Variants in ZNF680 observed in about 807,000 individuals in gnomAD.
ZNF680 encodes the protein hypothetical protein FLJ90430.
ZNF680 carries 6 observed loss-of-function variants against 12.1 expected under a neutral mutation model. The ratio of observed to expected loss-of-function variants is 0.49; its 90% confidence interval spans 0.27 to 0.98. ZNF680 has a LOEUF of 0.98. Ranked by LOEUF, ZNF680 falls within the 50% of genes least tolerant of loss-of-function variation. The pLI is 0.12. For missense variants in ZNF680, 561 were observed against 616.3 expected, an observed-to-expected ratio of 0.91 and a Z score of 0.95; for synonymous variants, 170 against 199.3, an observed-to-expected ratio of 0.85 and a Z score of 1.24.
At chr7:64,516,966 C>T (rs1791367657), downstream of ZNF680, among the ~76,000 whole-genome samples, 1 of 151,856 alleles carries the variant, frequency 6.6e-6, no homozygotes, top group African/African-American at 2.4e-5. Context: ...CAGCAAAGGC[C>T]GTGCTAAGAG....
chr7:64,562,915 G>A lies in ZNF680; in HGVS notation c.30+10C>T, dbSNP rs1446386290. ...TCCCCCTCTCTCGGGGTGTCGGACC[G>A]CACTCTCACCATTTCTAGGCTTCCA... is the stretch of plus-strand genomic sequence containing the variant. On this transcript the variant is annotated intron_variant, in intron 1 of 3. Coordinates refer to ENST00000309683, the MANE Select transcript of ZNF680 (RefSeq NM_178558.5). 6.2e-7 allele frequency: 1 copy of A among 1,613,288 alleles called. No individual in the cohort carries two copies. The highest frequency in any genetic ancestry group is 1.7e-5 in the Admixed American group (1 of 59,892).
chr7:64,546,136 G>A (rs755847496), intron 1 of ZNF680, among the ~76,000 whole-genome samples: 3 of 152,158 alleles, frequency 2.0e-5, no homozygotes, highest in Non-Finnish European at 4.4e-5. Flanking sequence ...GTAAAGGTTT[G>A]CAAGTACTAA....
In ZNF680 at chr7:64,563,053, TC is replaced by T; in HGVS notation, c.-100del. On this transcript the variant is annotated 5_prime_UTR_variant, in exon 1 of 4. Coordinates refer to ENST00000309683, the MANE Select transcript of ZNF680 (RefSeq NM_178558.5). ...GAGCAGTAAAGACTAGACCTGGAGCTCCCGCAGCAGCTAGAGACAAAGGCCC... is the reference window on the plus strand; with the variant it reads ...GAGCAGTAAAGACTAGACCTGGAGCTCCGCAGCAGCTAGAGACAAAGGCCC... The T allele has an allele frequency of 7.0e-7, 1 of 1,425,196 alleles. No homozygotes were observed. The highest frequency in any genetic ancestry group is 1.4e-5 in the African/African-American group (1 of 70,684). The allele number at this position is 1,425,196 out of a possible 1,614,324, so 88.3% of individuals were successfully genotyped here.
At chr7:64,513,942 C>T in the ZNF680 span, among the ~76,000 whole-genome samples, 2 of 152,082 alleles carry the variant, frequency 1.3e-5, no homozygotes, top group Non-Finnish European at 2.9e-5. Flanking sequence ...CCACACCTGG[C>T]CAATCAAAAT....
At chr7:64,515,290 CACACACACATAA>C (rs1291850892), downstream of ZNF680, among the ~76,000 whole-genome samples, 2 of 152,016 alleles carry the variant, frequency 1.3e-5, no homozygotes, top group East Asian at 3.9e-4. Context: ...CACACACATA[CACACACACATAA>C]ATGTGCACCT....
chr7:64,537,470 G>GT lies in ZNF680; in HGVS notation c.253+6236dup, dbSNP rs959339407. Among the ~76,000 whole-genome samples, 8 of 151,822 alleles carry GT rather than the reference G, an allele frequency of 5.3e-5. No individual in the cohort carries two copies. The South Asian group carries it at 1.0e-3, about 20-fold the overall frequency. On this transcript the variant is annotated intron_variant, in intron 3 of 3. Transcript: ENST00000309683. ...TCTCTATAAAAATCCCAATAGCACA[G>GT]TTTTTTTTACAGAAATGTTTAAAAT...
At chr7:64,535,070 C>T (rs1273225780) in intron 3 of ZNF680, among the ~76,000 whole-genome samples, 4 of 151,950 alleles carry the variant, frequency 2.6e-5, no homozygotes, top group African/African-American at 4.8e-5. Context: ...ATACTGCTTA[C>T]GTGATGAGTG....
chr7:64,499,739 G>A, the ZNF680 span, among the ~76,000 whole-genome samples: 64 of 152,238 alleles, frequency 4.2e-4, no homozygotes, highest in Non-Finnish European at 5.4e-4. Flanking sequence ...GCGAGACTCC[G>A]TCTCAAAAAA....
At position 64,522,140 on chromosome 7, in the gene ZNF680, G is replaced by C. The variant is rs866663481; in HGVS notation, c.614C>G (p.Thr205Ser). ...SHLTQHIRIHTRENSYKCEEC... is the reference protein window; with the variant it reads ...SHLTQHIRIHSRENSYKCEEC... ...CTCACATTTGTAAGAATTCTCTCTAGTGTGAATTCTTATATGTTGTGTTAG... is the reference window on the plus strand; with the variant it reads ...CTCACATTTGTAAGAATTCTCTCTACTGTGAATTCTTATATGTTGTGTTAG... Residue 205 changes from threonine to serine, a missense_variant, in exon 4 of 4, where the codon ACT becomes AGT. Thr to Ser is a moderately conservative substitution (Grantham distance 58, BLOSUM62 1). Transcript: ENST00000309683. The C allele has an allele frequency of 6.2e-7, 1 of 1,612,242 alleles. No individual in the cohort carries two copies. Among genetic ancestry groups the C allele is most frequent in the Non-Finnish European group, 8.5e-7 (1 of 1,179,030 alleles).
At chr7:64,531,546 A>G (rs1221588211) in intron 3 of ZNF680, among the ~76,000 whole-genome samples, 2 of 149,626 alleles carry the variant, frequency 1.3e-5, no homozygotes, top group African/African-American at 4.9e-5. Flanking sequence ...GCAGTGAGCC[A>G]AGATCGTGCC....
At chr7:64,534,348 T>C (rs896892194) in intron 3 of ZNF680, among the ~76,000 whole-genome samples, 6 of 152,026 alleles carry the variant, frequency 3.9e-5, no homozygotes, top group African/African-American at 1.4e-4. Flanking sequence ...AAAAGTGGGC[T>C]AAGGACACGA....
At chr7:64,547,669 C>A (rs1234322998) in intron 1 of ZNF680, among the ~76,000 whole-genome samples, 1 of 151,792 alleles carries the variant, frequency 6.6e-6, no homozygotes, top group Non-Finnish European at 1.5e-5. Flanking sequence ...TAAATATAGA[C>A]AGATGAGAGG....
rs553065580 is a variant in ZNF680, at chr7:64,531,321, C to T, written c.254-8821G>A. Among the ~76,000 whole-genome samples the T allele has an allele frequency of 8.5e-5, 13 of 152,108 alleles. 1 individual carries two copies. In the South Asian group the frequency reaches 1.5e-3, roughly 17 times the overall value. ...GGAATAAAACTAGAAATCAGCCGGG[C>T]GCAGTGACTCACGCCTGTAATCCCA... On this transcript the variant is annotated intron_variant, in intron 3 of 3. Transcript: ENST00000309683.
rs1314630435 is a variant in ZNF680 at position 64,544,393 on chromosome 7, G to A, written c.70C>T (p.Leu24=). ...TFRDVAIEFS[L]EEWQCLDTAQ... The stretch of plus-strand genomic sequence containing the variant: ...GTGTCCAGGCATTGCCACTCCTCCA[G>A]AGAGAATTCTATGGCCACATCCCTA... The change falls in exon 2 of 4, where the codon CTG becomes TTG. Residue 24 remains leucine (L), a synonymous_variant. Transcript: ENST00000309683. The A allele has an allele frequency of 1.9e-6, 3 of 1,603,808 alleles. No individual in the cohort carries two copies. The East Asian group carries it at 6.7e-5, about 36-fold the overall frequency.
At chr7:64,562,833 AGTGCTTGGAGCCTG>A in intron 1 of ZNF680, 78 bp downstream of exon 1, 2 of 1,471,668 alleles carry the variant, frequency 1.4e-6, no homozygotes, top group South Asian at 2.3e-5. Flanking sequence ...TTTGGAGCCC[AGTGCTTGGAGCCTG>A]GAGTCCTGCC....
At chr7:64,505,700 GTT>G in the ZNF680 span, among the ~76,000 whole-genome samples, 25 of 151,856 alleles carry the variant, frequency 1.6e-4, no homozygotes, top group African/African-American at 6.0e-4. Flanking sequence ...CGTAATCAGT[GTT>G]GTCTCCTCTG....
At chr7:64,502,801 G>C in the ZNF680 span, among the ~76,000 whole-genome samples, 8 of 152,040 alleles carry the variant, frequency 5.3e-5, no homozygotes, top group African/African-American at 1.9e-4. Flanking sequence ...AATCAAAACC[G>C]AATAATATAT....
intron 1 of ZNF680, among the ~76,000 whole-genome samples, chr7:64,548,446 T>C (rs556685195): frequency 2.0e-5 from 3 of 152,208 alleles, no homozygotes. Flanking sequence ...AGTCTAGACT[T>C]AAAGATCCTG....
At chr7:64,512,137 A>G in the ZNF680 span, among the ~76,000 whole-genome samples, 1 of 150,904 alleles carries the variant, frequency 6.6e-6, no homozygotes, top group South Asian at 2.1e-4. Flanking sequence ...TTTTCTCTTC[A>G]TAAATCTTTT....
Sources: gnomAD v4.1 joint callset for allele counts (sites outside exome capture counted in the v4.1 genomes callset) on GRCh38, gnomAD v4.1.1 for gene constraint, MANE v1.5 for transcripts, NCBI Gene and HGNC (gene_info 2026-07-23, HGNC 2026-07-21) for gene names.